The following PPP3CA variants were observed in gnomAD, a reference collection of about 807,000 sequenced individuals.
PPP3CA encodes the protein protein phosphatase 3 catalytic subunit alpha.
PPP3CA carries 14 observed loss-of-function variants against 66.5 expected under a neutral mutation model. That is an observed-to-expected ratio of 0.21 (90% CI 0.14 to 0.33). The LOEUF (loss-of-function observed/expected upper bound fraction) is 0.33, where lower values mean the gene tolerates loss of function less well. PPP3CA is among the 10% of genes least tolerant of loss of function. PPP3CA has a pLI of 1.00. For synonymous variants in PPP3CA, 232 were observed against 226.2 expected, an observed-to-expected ratio of 1.03 and a Z score of -0.23; for missense variants, 317 against 639.5, an observed-to-expected ratio of 0.50 and a Z score of 5.44.
At chr4:101,329,061 T>C (rs1427132001) in intron 1 of PPP3CA, among the ~76,000 whole-genome samples, 1 of 152,092 alleles carries the variant, frequency 6.6e-6, no homozygotes, top group Non-Finnish European at 1.5e-5. Flanking sequence ...TAGAAATGAT[T>C]AAGTTTATCA....
chr4:101,112,633 C>T (rs887210465), intron 2 of PPP3CA, among the ~76,000 whole-genome samples: 4 of 152,118 alleles, frequency 2.6e-5, no homozygotes, highest in Admixed American at 6.6e-5. Flanking sequence ...GAGGTATTTT[C>T]TTCCTCGAAT....
intron 1 of PPP3CA, among the ~76,000 whole-genome samples, chr4:101,309,229 C>G (rs1356624307): frequency 6.6e-6 from 1 of 152,134 alleles, no homozygotes; most frequent in Non-Finnish European, 1.5e-5. Flanking sequence ...CCTTTGTCAT[C>G]TATGGAACAG....
intron 2 of PPP3CA, among the ~76,000 whole-genome samples, chr4:101,119,452 G>A (rs1387520380): frequency 1.3e-5 from 2 of 151,954 alleles, no homozygotes; most frequent in Non-Finnish European, 2.9e-5. Context: ...AGCTGGAAGT[G>A]ACGGAGTAAA....
chr4:101,247,628 A>C (rs1199855862), intron 1 of PPP3CA, among the ~76,000 whole-genome samples: 1 of 152,140 alleles, frequency 6.6e-6, no homozygotes, highest in Non-Finnish European at 1.5e-5. Flanking sequence ...TGTTTTCCCT[A>C]TACATATTTT....
intron 1 of PPP3CA, among the ~76,000 whole-genome samples, chr4:101,266,832 G>T (rs1021449223): frequency 6.6e-6 from 1 of 152,178 alleles, no homozygotes; most frequent in African/African-American, 2.4e-5. Flanking sequence ...GTATCTCTGG[G>T]TATAAAAGGA....
At chr4:101,210,724 T>G (rs1223544652) in intron 1 of PPP3CA, among the ~76,000 whole-genome samples, 3 of 152,130 alleles carry the variant, frequency 2.0e-5, no homozygotes, top group African/African-American at 7.2e-5. Context: ...AATACAGCAT[T>G]CTTTAGTTGG....
At chr4:101,202,479 T>C (rs9884638) in intron 1 of PPP3CA, among the ~76,000 whole-genome samples, 67,220 of 152,036 alleles carry the variant, frequency 0.44, 17,664 homozygotes, top group Middle Eastern at 0.64. Flanking sequence ...GGGATATGTG[T>C]TTATTTATGC....
intron 2 of PPP3CA, among the ~76,000 whole-genome samples, chr4:101,191,096 A>G (rs927584837): frequency 2.0e-5 from 3 of 152,194 alleles, no homozygotes; most frequent in Non-Finnish European, 4.4e-5. Flanking sequence ...TAAACCAATG[A>G]ATCCCACAGT....
chr4:101,056,266 CTT>C (rs1728219177), intron 10 of PPP3CA, among the ~76,000 whole-genome samples: 1 of 152,162 alleles, frequency 6.6e-6, no homozygotes, highest in Non-Finnish European at 1.5e-5. Context: ...GCCTAGTAAA[CTT>C]AACATAAAGG....
At chr4:101,053,909 T>TTAAG (rs1248489645) in intron 10 of PPP3CA, among the ~76,000 whole-genome samples, 6 of 152,072 alleles carry the variant, frequency 3.9e-5, no homozygotes, top group Non-Finnish European at 1.5e-5. Flanking sequence ...AGATACTTTA[T>TTAAG]TAAGTTCCTA....
intron 1 of PPP3CA, among the ~76,000 whole-genome samples, chr4:101,285,255 T>C (rs1011880617): frequency 1.2e-4 from 18 of 152,316 alleles, no homozygotes; most frequent in Non-Finnish European, 4.4e-5. Context: ...TAAATAATTA[T>C]TATCCTTAAC....
intron 1 of PPP3CA, among the ~76,000 whole-genome samples, chr4:101,203,350 C>A (rs1286951669): frequency 6.6e-6 from 1 of 152,102 alleles, no homozygotes; most frequent in African/African-American, 2.4e-5. Context: ...CAAAAATTAG[C>A]TGGGTGTGGT....
chr4:101,163,290 T>C (rs1024785490), intron 2 of PPP3CA, among the ~76,000 whole-genome samples: 14 of 152,170 alleles, frequency 9.2e-5, no homozygotes, highest in African/African-American at 3.4e-4. Flanking sequence ...ATTTTGAAGA[T>C]ACTTAATTCA....
chr4:101,333,060 G>A (rs1159871804), intron 1 of PPP3CA, among the ~76,000 whole-genome samples: 2 of 150,072 alleles, frequency 1.3e-5, no homozygotes, highest in African/African-American at 4.9e-5. Flanking sequence ...TCACAAATGA[G>A]TTACAATAGC....
chr4:101,258,193 A>G (rs1248192125), intron 1 of PPP3CA, among the ~76,000 whole-genome samples: 2 of 152,164 alleles, frequency 1.3e-5, no homozygotes, highest in Non-Finnish European at 2.9e-5. Flanking sequence ...ATTGATGGTC[A>G]AAACTATAGA....
At chr4:101,107,783 T>C (rs1721481440) in intron 3 of PPP3CA, among the ~76,000 whole-genome samples, 1 of 152,220 alleles carries the variant, frequency 6.6e-6, no homozygotes, top group Admixed American at 6.5e-5. Flanking sequence ...GAAATAAAAA[T>C]TTTGAAATAT....
chr4:101,314,563 C>CA (rs1441492296), intron 1 of PPP3CA, among the ~76,000 whole-genome samples: 1 of 22,410 alleles, frequency 4.5e-5, no homozygotes, highest in Non-Finnish European at 6.7e-5. Context: ...GACTCCATCT[C>CA]AAAACCAAAA....
At chr4:101,106,808 G>C (rs532454877) in intron 3 of PPP3CA, among the ~76,000 whole-genome samples, 1 of 152,304 alleles carries the variant, frequency 6.6e-6, no homozygotes, top group African/African-American at 2.4e-5. Flanking sequence ...TGGGTTACTA[G>C]TTTGTCTGTG....
intron 2 of PPP3CA, among the ~76,000 whole-genome samples, chr4:101,118,273 G>A (rs971283357): frequency 2.0e-5 from 3 of 151,972 alleles, no homozygotes; most frequent in Non-Finnish European, 2.9e-5. Context: ...AGACTGCTTG[G>A]TTCCAAAGCC....
Sources: gnomAD v4.1 joint callset for allele counts (sites outside exome capture counted in the v4.1 genomes callset) on GRCh38, gnomAD v4.1.1 for gene constraint, MANE v1.5 for transcripts, NCBI Gene and HGNC (gene_info 2026-07-23, HGNC 2026-07-21) for gene names.